Variants in PLEKHA5 observed in about 807,000 individuals in gnomAD.
PLEKHA5 encodes the protein pleckstrin homology domain-containing family A member 5.
PLEKHA5 carries 55 observed loss-of-function variants against 181.9 expected under a neutral mutation model. The ratio of observed to expected loss-of-function variants is 0.30; its 90% CI spans 0.24 to 0.38. PLEKHA5 has a LOEUF of 0.38. Ranked by LOEUF, PLEKHA5 falls within the 10% of genes least tolerant of loss-of-function variation. The pLI, the probability that PLEKHA5 is intolerant of heterozygous loss-of-function variation, is 1.00. For synonymous variants in PLEKHA5, 535 were observed against 529.4 expected, an observed-to-expected ratio of 1.01 and a Z score of -0.15; for missense variants, 1,432 against 1,549.5, an observed-to-expected ratio of 0.92 and a Z score of 1.27.
chr12:19,347,882 C>CTTT (rs527719770), intron 24 of PLEKHA5, among the ~76,000 whole-genome samples: 13 of 119,790 alleles, frequency 1.1e-4, no homozygotes, highest in East Asian at 2.4e-4. Context: ...CAGAAATATT[C>CTTT]TTTTTTTTTT....
intron 3 of PLEKHA5, among the ~76,000 whole-genome samples, chr12:19,203,562 C>T (rs903438781): frequency 1.3e-5 from 2 of 151,980 alleles, no homozygotes; most frequent in Non-Finnish European, 2.9e-5. Flanking sequence ...TTAGTATTCA[C>T]CTGGGCATTT....
chr12:19,243,209 C>T (rs1045705870), intron 3 of PLEKHA5: 1 of 152,266 alleles, frequency 6.6e-6, no homozygotes, highest in Non-Finnish European at 1.5e-5. Flanking sequence ...AAAGGCAGAA[C>T]TGAGAAGTCT....
At chr12:19,164,283 C>G (rs1476463500) in intron 3 of PLEKHA5, among the ~76,000 whole-genome samples, 1 of 146,424 alleles carries the variant, frequency 6.8e-6, no homozygotes, top group Non-Finnish European at 1.5e-5. Context: ...ACTGTAACTT[C>G]CGCCTCCCGG....
intron 30 of PLEKHA5, among the ~76,000 whole-genome samples, chr12:19,367,533 G>A (rs904073658): frequency 2.0e-5 from 3 of 151,628 alleles, no homozygotes; most frequent in African/African-American, 7.3e-5. Context: ...AGGATTACAG[G>A]CGTGAGCCAC....
intron 6 of PLEKHA5, among the ~76,000 whole-genome samples, chr12:19,257,743 G>A (rs1253248930): frequency 1.3e-5 from 2 of 152,034 alleles, no homozygotes; most frequent in African/African-American, 2.4e-5. Context: ...TTACAACTGA[G>A]ATTGTGTGTT....
intron 3 of PLEKHA5, among the ~76,000 whole-genome samples, chr12:19,162,581 A>G (rs2043209024): frequency 6.6e-6 from 1 of 152,160 alleles, no homozygotes; most frequent in Non-Finnish European, 1.5e-5. Flanking sequence ...TTTAAAAAAA[A>G]AAAAAAGAGT....
intron 3 of PLEKHA5, chr12:19,176,708 C>CATAAGG (rs2047339257): frequency 6.6e-6 from 1 of 152,050 alleles, no homozygotes. Context: ...GAGGAAATCA[C>CATAAGG]CTTCTTATTT....
intron 3 of PLEKHA5, among the ~76,000 whole-genome samples, chr12:19,157,625 A>G (rs915075427): frequency 6.6e-6 from 1 of 152,096 alleles, no homozygotes; most frequent in Non-Finnish European, 1.5e-5. Context: ...TTATATGCAT[A>G]TGTCATTTAT....
At chr12:19,357,933 C>T (rs549594589) in intron 26 of PLEKHA5, among the ~76,000 whole-genome samples, 47 of 151,618 alleles carry the variant, frequency 3.1e-4, no homozygotes, top group Non-Finnish European at 6.2e-4. Context: ...AGCCACCACT[C>T]CTGGTCCATA....
At chr12:19,258,049 T>A (rs12811934) in intron 6 of PLEKHA5, among the ~76,000 whole-genome samples, 44,943 of 151,842 alleles carry the variant, frequency 0.3, 6,970 homozygotes, top group Middle Eastern at 0.4. Context: ...TTATTTTTTT[T>A]GGTTATTTAT....
intron 3 of PLEKHA5, among the ~76,000 whole-genome samples, chr12:19,241,459 A>G (rs2062579123): frequency 6.6e-6 from 1 of 152,208 alleles, no homozygotes; most frequent in Non-Finnish European, 1.5e-5. Flanking sequence ...CAGTTGAAAA[A>G]TAAATTGTAA....
chr12:19,276,986 T>TA (rs770387070), intron 11 of PLEKHA5, among the ~76,000 whole-genome samples: 2 of 152,298 alleles, frequency 1.3e-5, no homozygotes, highest in South Asian at 2.1e-4. Flanking sequence ...ATTTTTCACT[T>TA]ACCAGATTGA....
chr12:19,237,485 A>G (rs2061587487), intron 3 of PLEKHA5, among the ~76,000 whole-genome samples: 1 of 126,856 alleles, frequency 7.9e-6, no homozygotes, highest in Admixed American at 9.2e-5. Flanking sequence ...TGGAGGTACT[A>G]ACAGTATGCA....
At chr12:19,355,284 T>A (rs1453553217) in intron 26 of PLEKHA5, among the ~76,000 whole-genome samples, 1 of 151,872 alleles carries the variant, frequency 6.6e-6, no homozygotes, top group Non-Finnish European at 1.5e-5. Flanking sequence ...ACCTATTTGG[T>A]ATGAGATAAT....
intron 3 of PLEKHA5, among the ~76,000 whole-genome samples, chr12:19,231,656 G>C (rs1416672987): frequency 3.5e-5 from 4 of 113,140 alleles, no homozygotes; most frequent in African/African-American, 1.2e-4. Flanking sequence ...TCATATTTAT[G>C]ATTTCATATT....
chr12:19,357,617 G>GGGTT (rs910188875), intron 26 of PLEKHA5, among the ~76,000 whole-genome samples: 6 of 139,488 alleles, frequency 4.3e-5, no homozygotes, highest in African/African-American at 1.7e-4. Flanking sequence ...TGAGTTATGG[G>GGGTT]GGTTTGTTTG....
intron 30 of PLEKHA5, 69 bp from the exon 31 acceptor site, chr12:19,369,624 A>G (rs1319095406): frequency 1.2e-6 from 1 of 862,422 alleles, no homozygotes; most frequent in Non-Finnish European, 1.9e-6. Context: ...GGATTACAGC[A>G]TCAGGATTTA....
chr12:19,253,064 C>CTTTTTTTTTTTTTTT (rs35536570), intron 3 of PLEKHA5, among the ~76,000 whole-genome samples: 574 of 45,876 alleles, frequency 0.013, 165 homozygotes, highest in Middle Eastern at 0.038. Flanking sequence ...ATCAACTTAC[C>CTTTTTTTTTTTTTTT]TTTTTTTTTT....
chr12:19,221,419 C>G (rs144833707), intron 3 of PLEKHA5, among the ~76,000 whole-genome samples: 2 of 152,240 alleles, frequency 1.3e-5, no homozygotes, highest in East Asian at 3.9e-4. Flanking sequence ...GTATTATTCC[C>G]ATACACGTTC....
Sources: allele counts gnomAD v4.1 joint callset (sites outside exome capture counted in the v4.1 genomes callset), GRCh38; gene constraint gnomAD v4.1.1; transcripts MANE v1.5; gene names NCBI Gene and HGNC (gene_info 2026-07-23, HGNC 2026-07-21).